Variants in RASAL1 observed in about 807,000 individuals in gnomAD.
The protein encoded by RASAL1 is rasGAP-activating-like protein 1.
Under a neutral mutation model 96.6 loss-of-function variants are expected in RASAL1, and 72 were observed. That is an observed-to-expected ratio of 0.75 (90% CI 0.62 to 0.91). The LOEUF (loss-of-function observed/expected upper bound fraction) is 0.91, where lower values mean the gene tolerates loss of function less well. Among genes scored for constraint, RASAL1 ranks in the 40% least tolerant of loss-of-function variants. The pLI is 0.00. For missense variants in RASAL1, 1,016 were observed against 1,072.5 expected (o/e 0.95, Z 0.74); for synonymous variants, 405 against 430.4 (o/e 0.94, Z 0.73).
intron 15 of RASAL1, 135 bp from the exon 16 acceptor site, chr12:113,106,021 G>C (rs934888965): frequency 1.4e-5 from 13 of 944,680 alleles, no homozygotes; most frequent in Non-Finnish European, 1.9e-5. Flanking sequence ...GAGGATGAGC[G>C]CGATGACTTC....
intron 13 of RASAL1, among the ~76,000 whole-genome samples, chr12:113,110,797 G>T (rs1950839943): frequency 6.6e-6 from 1 of 152,154 alleles, no homozygotes; most frequent in Non-Finnish European, 1.5e-5. Context: ...CACCCCTCTA[G>T]TCCCAGCAAC....
At chr12:113,134,366 G>A (rs1951835434) in intron 1 of RASAL1, among the ~76,000 whole-genome samples, 1 of 152,182 alleles carries the variant, frequency 6.6e-6, no homozygotes, top group Non-Finnish European at 1.5e-5. Flanking sequence ...TCAGCACAGA[G>A]CTAAGACTGA....
chr12:113,100,777 T>C, intron 19 of RASAL1, 97 bp from the exon 20 acceptor site: 1 of 898,096 alleles, frequency 1.1e-6, no homozygotes. Flanking sequence ...TCCTGAACCA[T>C]CACCATCACC....
chr12:113,131,968 CTTTTTTTTTTTT>C (rs34936583), intron 1 of RASAL1, among the ~76,000 whole-genome samples: 1 of 118,716 alleles, frequency 8.4e-6, no homozygotes, highest in African/African-American at 3.1e-5. Flanking sequence ...TCTTCTTCTT[CTTTTTTTTTTTT>C]TTTTTTTTTG....
intron 1 of RASAL1, among the ~76,000 whole-genome samples, chr12:113,132,285 C>G (rs1307257530): frequency 2.0e-5 from 3 of 152,092 alleles, no homozygotes; most frequent in Admixed American, 2.0e-4. Flanking sequence ...CCTTATTTCT[C>G]TATGCGTTTA....
chr12:113,112,218 C>A lies in RASAL1; in HGVS notation c.1242G>T (p.Leu414=). 7.9e-7 allele frequency: 1 copy of A among 1,265,364 alleles called. No individual in the cohort carries two copies. The allele number at this position is 1,265,364 out of a possible 1,614,324, so 78.4% of individuals were successfully genotyped here. A position where few individuals can be genotyped will look rare whatever the true frequency, so the allele number is the denominator to read the frequency against. ...CGATGGGCCCCAGGTAGCCCGTCAG[C>A]AGCCCCAGGCTGGTCTCCCGCATCT... is the stretch of plus-strand genomic sequence containing the variant. The part of the protein sequence containing the change: ...EEQMRETSLG[L]LTGYLGPIVD... The change falls in exon 13 of 21, where the codon CTG becomes CTT. Residue 414 remains leucine, a synonymous_variant. Transcript: ENST00000548055.
chr12:113,115,896 G>GCA lies in RASAL1; in HGVS notation c.849+36_849+37dup. On this transcript the variant is annotated intron_variant, in intron 9 of 20. Coordinates refer to ENST00000548055, the MANE Select transcript of RASAL1 (RefSeq NM_001301202.2). The surrounding 1 kb of genome is among the most constrained non-coding windows in gnomAD (Gnocchi z 4.1). The stretch of plus-strand genomic sequence containing the variant: ...GGGGAGGCCAGGATCCAGACCCCCG[G>GCA]CACCCGCCTGATAGCATTGCTTGCC... 6.3e-7 allele frequency: 1 copy of GCA among 1,582,284 alleles called. No individual in the cohort carries two copies.
chr12:113,104,907 T>A (rs1280064416), intron 16 of RASAL1, among the ~76,000 whole-genome samples: 1 of 152,242 alleles, frequency 6.6e-6, no homozygotes, highest in East Asian at 1.9e-4. Context: ...ATTGATCAAC[T>A]TATTTAATTA....
chr12:113,114,459 G>A (rs1420409168), intron 12 of RASAL1, among the ~76,000 whole-genome samples: 3 of 127,374 alleles, frequency 2.4e-5, no homozygotes, highest in Non-Finnish European at 3.2e-5. Flanking sequence ...GGGTGACAGA[G>A]TAAAACCTTG....
At chr12:113,132,174 T>C (rs1951740193) in intron 1 of RASAL1, among the ~76,000 whole-genome samples, 1 of 152,098 alleles carries the variant, frequency 6.6e-6, no homozygotes, top group African/African-American at 2.4e-5. Context: ...GGTTTCACCA[T>C]GCTGGCCAGG....
Position 113,118,243 on chromosome 12 carries a change from AT to A in RASAL1, c.642+884del, listed in dbSNP as rs148534085. ...CTTCTAAAAAATAAAAATAAAAAAA[AT>A]AAACAAGAGTTAAGTTCCTACAGCA... On this transcript the variant is annotated intron_variant, in intron 7 of 20. Transcript: ENST00000548055. Among the ~76,000 whole-genome samples, 647 of 152,294 alleles carry A rather than the reference AT, an allele frequency of 4.2e-3. 4 individuals carry two copies. The highest frequency in any genetic ancestry group is 0.015 in the African/African-American group (626 of 41,570).
chr12:113,108,612 A>G (rs1017404189), intron 13 of RASAL1, among the ~76,000 whole-genome samples: 5 of 152,176 alleles, frequency 3.3e-5, no homozygotes, highest in Non-Finnish European at 7.3e-5. Flanking sequence ...TCAGGATTCA[A>G]ACCCAGACCT....
chr12:113,132,611 A>G (rs1343633752), intron 1 of RASAL1, among the ~76,000 whole-genome samples: 1 of 152,122 alleles, frequency 6.6e-6, no homozygotes, highest in Non-Finnish European at 1.5e-5. Flanking sequence ...TCCAGTTTGT[A>G]TAGATCCACA....
intron 13 of RASAL1, among the ~76,000 whole-genome samples, chr12:113,111,346 GCA>G (rs2136151265): frequency 6.6e-6 from 1 of 152,178 alleles, no homozygotes; most frequent in Non-Finnish European, 1.5e-5. Context: ...CTGGTTATGA[GCA>G]CAGACTCAGG....
intron 13 of RASAL1, 142 bp from the exon 14 acceptor site, chr12:113,108,364 G>C: frequency 9.4e-7 from 1 of 1,060,546 alleles, no homozygotes. Context: ...GGCTGGCCGA[G>C]GAAGTTTTTC....
Position 113,115,375 on chromosome 12 carries a change from C to G in RASAL1, c.1004-111G>C. 1 of 1,155,914 alleles carries G rather than the reference C, an allele frequency of 8.7e-7. No homozygotes were observed. The highest frequency in any genetic ancestry group is 1.3e-5 in the South Asian group (1 of 79,354). The allele number at this position is 1,155,914 out of a possible 1,614,324, so 71.6% of individuals were successfully genotyped here. On this transcript the variant is annotated intron_variant, in intron 10 of 20. Transcript: ENST00000548055. This position sits in a 1 kb window ranked among gnomAD's most constrained non-coding sequence, Gnocchi z 4.1. ...TTCCAGCCCCAAGAATCAGGAAGACCCAAAACATCAACCCCATTCACAGTA... is the reference window on the plus strand; with the variant it reads ...TTCCAGCCCCAAGAATCAGGAAGACGCAAAACATCAACCCCATTCACAGTA...
chr12:113,107,340 T>C, intron 14 of RASAL1, 99 bp from the exon 15 acceptor site: 1 of 1,372,430 alleles, frequency 7.3e-7, no homozygotes, highest in Non-Finnish European at 9.7e-7. Flanking sequence ...AAGACTCATA[T>C]TGCCGGGCAC....
At chr12:113,106,397 G>A (rs550285946) in intron 15 of RASAL1, among the ~76,000 whole-genome samples, 46 of 152,338 alleles carry the variant, frequency 3.0e-4, no homozygotes, top group Non-Finnish European at 2.8e-4. Flanking sequence ...CTGTGATTCT[G>A]TTTCACTCCA....
chr12:113,112,954 A>AAAAAAAAT (rs1555241783), intron 12 of RASAL1, among the ~76,000 whole-genome samples: 3 of 149,498 alleles, frequency 2.0e-5, no homozygotes, highest in East Asian at 2.0e-4. Flanking sequence ...TCCATCTCAA[A>AAAAAAAAT]AAATAAATAA....
Sources: allele counts gnomAD v4.1 joint callset (sites outside exome capture counted in the v4.1 genomes callset), GRCh38; gene constraint gnomAD v4.1.1; non-coding constraint Gnocchi (gnomAD v3.1); transcripts MANE v1.5; gene names NCBI Gene and HGNC (gene_info 2026-07-23, HGNC 2026-07-21).